The following ADAMTS18 variants were observed in gnomAD, a reference collection of about 807,000 sequenced individuals.
ADAMTS18 encodes the protein A disintegrin and metalloproteinase with thrombospondin motifs 18.
Under a neutral mutation model 165.9 loss-of-function variants are expected in ADAMTS18, and 157 were observed. That is an observed-to-expected ratio of 0.95 (90% CI 0.83 to 1.08). ADAMTS18 has a LOEUF of 1.08. ADAMTS18 is among the 50% of genes least tolerant of loss of function. The probability of loss-of-function intolerance (pLI) is 0.00; values close to 1 mark genes in which losing one functional copy is unlikely to be tolerated. For synonymous variants in ADAMTS18, 782 were observed against 578.2 expected (o/e 1.35, Z -5.06); for missense variants, 2,040 against 1,534.0 (o/e 1.33, Z -5.51).
chr16:77,289,042 C>T (rs1348809478), intron 22 of ADAMTS18, among the ~76,000 whole-genome samples: 1 of 152,132 alleles, frequency 6.6e-6, no homozygotes, highest in Non-Finnish European at 1.5e-5. Context: ...CTGTGTACTC[C>T]CACCTGCATG....
At chr16:77,303,755 C>G (rs936706227) in intron 16 of ADAMTS18, among the ~76,000 whole-genome samples, 4 of 152,110 alleles carry the variant, frequency 2.6e-5, no homozygotes, top group Non-Finnish European at 5.9e-5. Context: ...GTGCTAGGGC[C>G]GGACGCGGGG....
intron 11 of ADAMTS18, among the ~76,000 whole-genome samples, chr16:77,337,284 T>A: frequency 6.6e-6 from 1 of 152,200 alleles, no homozygotes; most frequent in East Asian, 1.9e-4. Flanking sequence ...TCTACTGGAC[T>A]GAGTTCAGTG....
chr16:77,410,784 AC>A (rs2057452073), intron 3 of ADAMTS18, among the ~76,000 whole-genome samples: 1 of 152,130 alleles, frequency 6.6e-6, no homozygotes, highest in South Asian at 2.1e-4. Context: ...AATGAGCTGG[AC>A]CCAGACCCAG....
chr16:77,319,975 C>T lies in ADAMTS18; in HGVS notation c.2406G>A (p.Gly802=). The T allele has an allele frequency of 6.2e-7, 1 of 1,614,148 alleles. No individual in the cohort carries two copies. The highest frequency in any genetic ancestry group is 8.5e-7 in the Non-Finnish European group (1 of 1,180,022). ...RSLSQKYYLT[G]GWSIDWPGEF... ...CCCCAGGCCAGTCGATGCTCCAGCC[C>T]CCGGTGAGGTAATACTTTTGACTGA... Residue 802 remains glycine, a synonymous_variant, in exon 16 of 23, where the codon GGG becomes GGA. Coordinates refer to ENST00000282849, the MANE Select transcript of ADAMTS18 (RefSeq NM_199355.4).
intron 17 of ADAMTS18, 29 bp downstream of exon 17, chr16:77,300,233 CT>C (rs1278593524): frequency 6.2e-7 from 1 of 1,613,690 alleles, no homozygotes; most frequent in Admixed American, 1.7e-5. Flanking sequence ...GAGAGACAGA[CT>C]TTGGAGACAG....
intron 3 of ADAMTS18, among the ~76,000 whole-genome samples, chr16:77,392,517 C>G (rs67077610): frequency 0.17 from 26,512 of 152,150 alleles, 3,001 homozygotes; most frequent in Non-Finnish European, 0.26. Flanking sequence ...TATGAAATCT[C>G]CACCCCATCA....
chr16:77,306,130 C>A (rs750779084), intron 16 of ADAMTS18, among the ~76,000 whole-genome samples: 2 of 152,190 alleles, frequency 1.3e-5, no homozygotes, highest in African/African-American at 2.4e-5. Context: ...GTGATTCAAT[C>A]TACTTAACTG....
chr16:77,329,130 G>A (rs557017584), intron 12 of ADAMTS18, among the ~76,000 whole-genome samples: 1 of 151,536 alleles, frequency 6.6e-6, no homozygotes, highest in Non-Finnish European at 1.5e-5. Context: ...TTTTGAGACA[G>A]AGTCTTGCTC....
chr16:77,309,447 A>G (rs1416506306), intron 16 of ADAMTS18, among the ~76,000 whole-genome samples: 2 of 152,190 alleles, frequency 1.3e-5, no homozygotes, highest in Non-Finnish European at 2.9e-5. Flanking sequence ...CACTGTATAA[A>G]TTGTCATCCA....
intron 8 of ADAMTS18, among the ~76,000 whole-genome samples, chr16:77,358,235 T>C (rs939111480): frequency 6.6e-6 from 1 of 152,184 alleles, no homozygotes; most frequent in Admixed American, 6.5e-5. Flanking sequence ...ATAACAACAA[T>C]GATCAAGGTT....
At position 77,431,503 on chromosome 16, in the gene ADAMTS18, G is replaced by A. The variant is rs981183067; in HGVS notation, c.287C>T (p.Ser96Phe). 3 of 1,614,162 alleles carry A rather than the reference G, an allele frequency of 1.9e-6. No individual in the cohort carries two copies. The highest frequency in any genetic ancestry group is 2.5e-6 in the Non-Finnish European group (3 of 1,180,032). Residue 96 changes from serine (S) to phenylalanine (F), a missense_variant, in exon 3 of 23, where the codon TCC becomes TTC. Transcript: ENST00000282849. The stretch of plus-strand genomic sequence containing the variant: ...AAATGCTGAAAATCGGTAGTGCAGG[G>A]AGCTTCTGGCATTCTGCGCCGATCG... ...KKRSAQNARS[S>F]LHYRFSAFGQ...
Position 77,325,944 on chromosome 16 carries a change from C to T in ADAMTS18, c.1954G>A (p.Ala652Thr), listed in dbSNP as rs2056087624. 1 of 1,613,912 alleles carries T rather than the reference C, an allele frequency of 6.2e-7. No homozygotes were observed. The highest frequency in any genetic ancestry group is 8.5e-7 in the Non-Finnish European group (1 of 1,179,996). ...PCNENSLDFR[A>T]QQCAEYNSKP... Reference sequence around the variant, plus strand: ...CTGTTATATTCTGCACACTGTTGAGCCCGAAAATCCAAGCTATTTTCATTG... The same window carrying T: ...CTGTTATATTCTGCACACTGTTGAGTCCGAAAATCCAAGCTATTTTCATTG... Residue 652 changes from alanine (A) to threonine (T), a missense_variant, in exon 13 of 23, where the codon GCT becomes ACT. Coordinates refer to ENST00000282849, the MANE Select transcript of ADAMTS18 (RefSeq NM_199355.4).
Position 77,416,811 on chromosome 16 carries a change from G to C in ADAMTS18, c.495+14484C>G, listed in dbSNP as rs145184497. ...AAGAATAGACTAAAGGGACAGAAGA[G>C]ATGAAAGAGTCATTAGAGAAGAAGC... is the stretch of plus-strand genomic sequence containing the variant. On this transcript the variant is annotated intron_variant, in intron 3 of 22. Coordinates refer to ENST00000282849, the MANE Select transcript of ADAMTS18 (RefSeq NM_199355.4). 2.8e-4 allele frequency among the ~76,000 whole-genome samples: 43 copies of C among 152,322 alleles called. No individual in the cohort carries two copies. In the East Asian group the frequency reaches 7.5e-3, roughly 27 times the overall value.
intron 3 of ADAMTS18, among the ~76,000 whole-genome samples, chr16:77,407,546 C>G (rs752823837): frequency 6.6e-6 from 1 of 152,028 alleles, no homozygotes; most frequent in South Asian, 2.1e-4. Flanking sequence ...ACGTGTAAGA[C>G]ATGTTACAAA....
At chr16:77,346,505 G>A (rs186439660) in intron 10 of ADAMTS18, among the ~76,000 whole-genome samples, 164 of 152,204 alleles carry the variant, frequency 1.1e-3, no homozygotes, top group Non-Finnish European at 2.0e-3. Flanking sequence ...CTGGCAAACA[G>A]TATATGCTAA....
chr16:77,331,115 C>T (rs1476384924), intron 12 of ADAMTS18, among the ~76,000 whole-genome samples: 2 of 152,100 alleles, frequency 1.3e-5, no homozygotes, highest in Admixed American at 6.6e-5. Context: ...AATGAAAATA[C>T]TTTAGTGATT....
At chr16:77,286,999 G>GTATGGGCAGGGA (rs1346680704) in intron 22 of ADAMTS18, among the ~76,000 whole-genome samples, 1 of 152,190 alleles carries the variant, frequency 6.6e-6, no homozygotes, top group Non-Finnish European at 1.5e-5. Flanking sequence ...CTGGCACTCA[G>GTATGGGCAGGGA]TATGGGCAGG....
At chr16:77,301,487 A>G (rs2055581772) in intron 16 of ADAMTS18, among the ~76,000 whole-genome samples, 1 of 152,246 alleles carries the variant, frequency 6.6e-6, no homozygotes. Flanking sequence ...GAAAGCATGA[A>G]TATAAATAGC....
intron 16 of ADAMTS18, among the ~76,000 whole-genome samples, chr16:77,316,837 T>G (rs2055895972): frequency 6.6e-6 from 1 of 152,016 alleles, no homozygotes; most frequent in Admixed American, 6.6e-5. Context: ...GCCTGGCTAA[T>G]TTTTGTTTTA....
Sources: allele counts gnomAD v4.1 joint callset (sites outside exome capture counted in the v4.1 genomes callset), GRCh38; gene constraint gnomAD v4.1.1; transcripts MANE v1.5; gene names NCBI Gene and HGNC (gene_info 2026-07-23, HGNC 2026-07-21).